HERC1: variants seen among roughly 807,000 people sequenced by gnomAD.
HERC1 encodes the protein probable E3 ubiquitin-protein ligase HERC1.
A neutral mutation model predicts 554.3 loss-of-function variants in HERC1; 160 were observed. That is an observed-to-expected ratio of 0.29 (90% CI 0.25 to 0.33). HERC1 has a LOEUF of 0.33. Among genes scored for constraint, HERC1 ranks in the 10% least tolerant of loss-of-function variants. HERC1 has a pLI of 1.00. For synonymous variants in HERC1, 2,175 were observed against 2,131.7 expected (o/e 1.02, Z -0.56); for missense variants, 4,919 against 5,918.5 (o/e 0.83, Z 5.54).
chr15:63,775,820 T>C lies in HERC1; in HGVS notation c.-26-171A>G, dbSNP rs2143000578. On this transcript the variant is annotated intron_variant, in intron 1 of 77. Coordinates refer to ENST00000443617, the MANE Select transcript of HERC1 (RefSeq NM_003922.4). This position sits in a 1 kb window ranked among gnomAD's most constrained non-coding sequence, Gnocchi z 4.0. ...TGGGAGGCCAAAGTGGGCAGATCAC[T>C]TGAGGCCAGGAGTTCAAGACGAGCC... Among the ~76,000 whole-genome samples the C allele has an allele frequency of 6.6e-6, 1 of 152,192 alleles. No homozygotes were observed. The highest frequency in any genetic ancestry group is 3.4e-3 in the Middle Eastern group (1 of 294).
chr15:63,795,597 T>C (rs2076788181), intron 1 of HERC1, among the ~76,000 whole-genome samples: 2 of 152,194 alleles, frequency 1.3e-5, no homozygotes, highest in African/African-American at 4.8e-5. Context: ...AGCAGTATGT[T>C]TGAAATGCTT....
At chr15:63,745,979 C>T (rs2075039888) in intron 12 of HERC1, among the ~76,000 whole-genome samples, 1 of 152,178 alleles carries the variant, frequency 6.6e-6, no homozygotes, top group Admixed American at 6.5e-5. Flanking sequence ...AAAGAACAAA[C>T]ATTTAGTTTC....
chr15:63,658,577 A>G lies in HERC1; in HGVS notation c.9566T>C (p.Met3189Thr). ...GAGAAGAGACAGCGCTCTCATGACC[A>G]TGGTTCTGGCCAGAAGAACCTGAGC... ...AAAQVLLART[M>T]VMRALSLLSV... Residue 3189 changes from methionine (M) to threonine (T), a missense_variant, in exon 48 of 78, where the codon ATG becomes ACG. This residue lies in a region of HERC1 where 1,963 missense variants were observed against 2,228.6 expected (regional missense o/e 0.88). Transcript: ENST00000443617. 1 of 1,613,558 alleles carries G rather than the reference A, an allele frequency of 6.2e-7. No individual in the cohort carries two copies. The highest frequency in any genetic ancestry group is 8.5e-7 in the Non-Finnish European group (1 of 1,179,584).
At chr15:63,635,613 T>C (rs1047813189) in intron 65 of HERC1, among the ~76,000 whole-genome samples, 2 of 152,264 alleles carry the variant, frequency 1.3e-5, no homozygotes, top group Non-Finnish European at 2.9e-5. Flanking sequence ...ACATAAATGA[T>C]AGGTTAAAAG....
chr15:63,778,528 G>A (rs1381038183), intron 1 of HERC1, among the ~76,000 whole-genome samples: 2 of 152,182 alleles, frequency 1.3e-5, no homozygotes, highest in East Asian at 3.9e-4. Flanking sequence ...CAACTGAGTG[G>A]TGAAGGGTAA....
chr15:63,683,240 A>G (rs2071574948), intron 34 of HERC1, among the ~76,000 whole-genome samples: 1 of 152,312 alleles, frequency 6.6e-6, no homozygotes, highest in South Asian at 2.1e-4. Flanking sequence ...GAAAGCTCCA[A>G]AAGAAAAACA....
chr15:63,616,686 T>C lies in HERC1; in HGVS notation c.13689-4A>G, dbSNP rs760544467. On this transcript the variant is annotated splice_polypyrimidine_tract_variant and splice_region_variant and intron_variant, in intron 74 of 77. Coordinates refer to ENST00000443617, the MANE Select transcript of HERC1 (RefSeq NM_003922.4). ...GGCAGAAGGGTTAAAAAGGAACCTG[T>C]AAAATTAAAGGGAATATTTCAAACA... is the stretch of plus-strand genomic sequence containing the variant. 3 of 1,611,378 alleles carry C rather than the reference T, an allele frequency of 1.9e-6. No homozygotes were observed. The highest frequency in any genetic ancestry group is 2.2e-5 in the South Asian group (2 of 90,972).
chr15:63,766,426 A>G (rs2075779728), intron 2 of HERC1, among the ~76,000 whole-genome samples: 1 of 152,094 alleles, frequency 6.6e-6, no homozygotes, highest in Non-Finnish European at 1.5e-5. Flanking sequence ...TGTCTCTACT[A>G]AAAATACAAA....
Position 63,734,670 on chromosome 15 carries a change from A to G in HERC1, c.2646+54T>C, listed in dbSNP as rs2074425647. On this transcript the variant is annotated intron_variant, in intron 13 of 77. Transcript: ENST00000443617. This position sits in a 1 kb window ranked among gnomAD's most constrained non-coding sequence, Gnocchi z 4.6. The stretch of plus-strand genomic sequence containing the variant: ...AATTTATTAGTTTTATTTCCTTCTC[A>G]GTCCAAATTTTTAGGATACTACTGG... 6 of 1,447,566 alleles carry G rather than the reference A, an allele frequency of 4.1e-6. No homozygotes were observed. Among genetic ancestry groups the G allele is most frequent in the Non-Finnish European group, 5.5e-6 (6 of 1,090,112 alleles). 89.7% of individuals were successfully genotyped at this position (1,447,566 alleles called of 1,614,324 possible). A position where few individuals can be genotyped will look rare whatever the true frequency, so the allele number is the denominator to read the frequency against.
At chr15:63,784,077 AAAG>A (rs2076367086) in intron 1 of HERC1, among the ~76,000 whole-genome samples, 3 of 151,914 alleles carry the variant, frequency 2.0e-5, no homozygotes, top group Admixed American at 2.0e-4. Context: ...AAAAAAAAAA[AAAG>A]AATAAAACTC....
intron 25 of HERC1, among the ~76,000 whole-genome samples, chr15:63,705,492 C>A (rs1197523773): frequency 6.6e-6 from 1 of 151,814 alleles, no homozygotes; most frequent in Non-Finnish European, 1.5e-5. Context: ...TTCTTTTGAG[C>A]TATATACATG....
At chr15:63,679,091 A>C (rs2071347194) in intron 36 of HERC1, among the ~76,000 whole-genome samples, 1 of 152,246 alleles carries the variant, frequency 6.6e-6, no homozygotes, top group South Asian at 2.1e-4. Flanking sequence ...TAGATAGAAT[A>C]AATTAATTGA....
Position 63,651,373 on chromosome 15 carries a change from C to T in HERC1, c.10426G>A (p.Asp3476Asn). The T allele has an allele frequency of 6.2e-7, 1 of 1,613,162 alleles. No homozygotes were observed. Among genetic ancestry groups the T allele is most frequent in the Non-Finnish European group, 8.5e-7 (1 of 1,179,452 alleles). ...GGTGATCCCAGGCTTTCCTCAGCAT[C>T]CCCTTCCCTAGAATATAACAGACAG... The part of the protein sequence containing the change: ...QTCVFNRLEG[D>N]AEESLGSPSD... The change falls in exon 53 of 78, where the codon GAT becomes AAT. Residue 3476 changes from aspartate (D) to asparagine (N), a missense_variant. Physicochemically the swap from Asp to Asn is conservative, Grantham distance 23. Around this residue, in one of 11 missense-constraint regions of HERC1, gnomAD observed 1,963 missense variants for 2,228.6 expected, o/e 0.88. Coordinates refer to ENST00000443617, the MANE Select transcript of HERC1 (RefSeq NM_003922.4).
intron 2 of HERC1, among the ~76,000 whole-genome samples, chr15:63,768,352 T>G (rs2075847823): frequency 6.6e-6 from 1 of 152,254 alleles, no homozygotes; most frequent in Non-Finnish European, 1.5e-5. Context: ...ATGTAGGTGA[T>G]GCCAGTGCTA....
At chr15:63,636,202 G>A (rs1305085515) in intron 64 of HERC1, 60 bp from the exon 65 acceptor site, 1 of 1,457,504 alleles carries the variant, frequency 6.9e-7, no homozygotes, top group East Asian at 2.3e-5. Flanking sequence ...CTCTTTACTT[G>A]CAGCTGCTAC....
chr15:63,832,008 G>C lies in HERC1; in HGVS notation c.-27+1819C>G, dbSNP rs1596348996. 1.3e-5 allele frequency among the ~76,000 whole-genome samples: 2 copies of C among 152,254 alleles called. 1 individual carries two copies. Among genetic ancestry groups the C allele is most frequent in the South Asian group, 4.1e-4 (2 of 4,824 alleles). The stretch of plus-strand genomic sequence containing the variant: ...CTTAGGGAACGCAAAATTCATAAAA[G>C]TTTAGAATTACAAGAGGCCTTAATA... On this transcript the variant is annotated intron_variant, in intron 1 of 77. Transcript: ENST00000443617.
chr15:63,802,641 C>T (rs1020690046), intron 1 of HERC1, among the ~76,000 whole-genome samples: 1 of 152,074 alleles, frequency 6.6e-6, no homozygotes, highest in Non-Finnish European at 1.5e-5. Flanking sequence ...TCCAAACTGA[C>T]ATACATACAT....
chr15:63,704,539 A>C (rs2072900435), intron 25 of HERC1, among the ~76,000 whole-genome samples: 2 of 152,196 alleles, frequency 1.3e-5, no homozygotes, highest in Admixed American at 1.3e-4. Context: ...ATATACATTT[A>C]TTAATATAAC....
rs1474328254 is a variant in HERC1, at chr15:63,733,006, T to G, written c.2786A>C (p.Tyr929Ser). The change falls in exon 14 of 78, where the codon TAC becomes TCC. Residue 929 changes from tyrosine (Y) to serine (S), a missense_variant. Tyr to Ser is a moderately radical substitution (Grantham distance 144). Coordinates refer to ENST00000443617, the MANE Select transcript of HERC1 (RefSeq NM_003922.4). The part of the protein sequence containing the change: ...TGYGNLSDQP[Y>S]GTQSCHPDTH... The stretch of plus-strand genomic sequence containing the variant: ...ATCTGGATGGCAGCTCTGAGTGCCG[T>G]AAGGTTGATCTGACAGATTTCCGTA... 3.7e-6 allele frequency: 6 copies of G among 1,613,824 alleles called. No individual in the cohort carries two copies. The highest frequency in any genetic ancestry group is 1.3e-5 in the African/African-American group (1 of 74,912).
Sources: gnomAD v4.1 joint callset for allele counts (sites outside exome capture counted in the v4.1 genomes callset) on GRCh38, gnomAD v4.1.1 for gene constraint, gnomAD v4.1.1 regional missense constraint, Gnocchi (gnomAD v3.1) non-coding constraint, MANE v1.5 for transcripts, NCBI Gene and HGNC (gene_info 2026-07-23, HGNC 2026-07-21) for gene names.